Variants in CYP11A1 observed in about 807,000 individuals in gnomAD.
CYP11A1 encodes cytochrome P450 family 11 subfamily A member 1.
CYP11A1 carries 25 observed loss-of-function variants against 51.9 expected under a neutral mutation model. The ratio of observed to expected loss-of-function variants is 0.48; its 90% confidence interval spans 0.35 to 0.67. CYP11A1 has a LOEUF of 0.67. Ranked by LOEUF, CYP11A1 falls within the 30% of genes least tolerant of loss-of-function variation. The pLI, the probability that CYP11A1 is intolerant of heterozygous loss-of-function variation, is 0.00. For synonymous variants in CYP11A1, 245 were observed against 262.1 expected, an observed-to-expected ratio of 0.93 and a Z score of 0.63; for missense variants, 578 against 680.9, an observed-to-expected ratio of 0.85 and a Z score of 1.68.
At chr15:74,340,444 G>A (rs981215003) in intron 5 of CYP11A1, among the ~76,000 whole-genome samples, 1 of 152,158 alleles carries the variant, frequency 6.6e-6, no homozygotes, top group Non-Finnish European at 1.5e-5. Context: ...ACTCCAGCCT[G>A]GAGCAGCCCT....
intron 1 of CYP11A1, among the ~76,000 whole-genome samples, chr15:74,357,547 G>A (rs2060685925): frequency 6.6e-6 from 1 of 152,078 alleles, no homozygotes; most frequent in Admixed American, 6.6e-5. Context: ...TGCAAACTTA[G>A]CTGATCCCAT....
At chr15:74,350,588 T>A (rs1301402563) in intron 1 of CYP11A1, among the ~76,000 whole-genome samples, 4 of 152,208 alleles carry the variant, frequency 2.6e-5, no homozygotes, top group African/African-American at 9.7e-5. Flanking sequence ...GCAGGGAACA[T>A]AAGGCCAATT....
chr15:74,358,949 G>A (rs1368642161), intron 1 of CYP11A1, among the ~76,000 whole-genome samples: 1 of 152,080 alleles, frequency 6.6e-6, no homozygotes, highest in Non-Finnish European at 1.5e-5. Context: ...TTAAAAAAAG[G>A]ACTCTGTCAA....
Position 74,367,644 on chromosome 15 carries a change from T to G in CYP11A1, c.-59A>C. Reference sequence around the variant, plus strand: ...CTTCAGCGGGGACTGCTAGGATGACTGTAGCCCTGGGCCACCAGGGCCAAG... The same window carrying G: ...CTTCAGCGGGGACTGCTAGGATGACGGTAGCCCTGGGCCACCAGGGCCAAG... On this transcript the variant is annotated 5_prime_UTR_variant, in exon 1 of 9. Transcript: ENST00000268053. 3 of 1,590,832 alleles carry G rather than the reference T, an allele frequency of 1.9e-6. No individual in the cohort carries two copies. Among genetic ancestry groups the G allele is most frequent in the Non-Finnish European group, 8.6e-7 (1 of 1,169,584 alleles).
In CYP11A1 at chr15:74,348,030, C is replaced by T. The variant is rs1220418625; in HGVS notation, c.295G>A (p.Val99Ile). The change falls in exon 2 of 9, where the codon GTT becomes ATT. Residue 99 changes from valine to isoleucine, a missense_variant. Coordinates refer to ENST00000268053, the MANE Select transcript of CYP11A1 (RefSeq NM_000781.3). ...ACATCTTCAGGGTCGATGACATAAA[C>T]CGACTCCACGTTGCCGAGCTTCTCC... ...YREKLGNVES[V>I]YVIDPEDVAL... 3 of 1,614,184 alleles carry T rather than the reference C, an allele frequency of 1.9e-6. No individual in the cohort carries two copies. Among genetic ancestry groups the T allele is most frequent in the Non-Finnish European group, 1.7e-6 (2 of 1,180,018 alleles).
At chr15:74,358,091 T>G (rs2060689523) in intron 1 of CYP11A1, among the ~76,000 whole-genome samples, 1 of 152,244 alleles carries the variant, frequency 6.6e-6, no homozygotes, top group Non-Finnish European at 1.5e-5. Flanking sequence ...GTCCTCCATC[T>G]TAATGCCTCT....
chr15:74,346,348 G>A (rs2141236183), intron 2 of CYP11A1, among the ~76,000 whole-genome samples: 1 of 97,410 alleles, frequency 1.0e-5, no homozygotes, highest in Middle Eastern at 9.3e-3. Context: ...GCAAGACTCT[G>A]CCTCAAAAAA....
intron 1 of CYP11A1, chr15:74,356,519 C>T (rs2060680954): frequency 6.6e-6 from 1 of 152,208 alleles, no homozygotes; most frequent in South Asian, 2.1e-4. Context: ...CTACCAACTC[C>T]ACATTACCTT....
chr15:74,348,247 G>A, intron 1 of CYP11A1, 192 bp from the exon 2 acceptor site: 1 of 615,174 alleles, frequency 1.6e-6, no homozygotes, highest in East Asian at 2.8e-5. Flanking sequence ...CAGCGCTGCT[G>A]AAGGACAAGA....
At chr15:74,339,975 G>A (rs2060599079) in intron 5 of CYP11A1, among the ~76,000 whole-genome samples, 1 of 152,210 alleles carries the variant, frequency 6.6e-6, no homozygotes. Context: ...AACATTCAGG[G>A]CAGCACTTGT....
intron 7 of CYP11A1, 132 bp downstream of exon 7, chr15:74,339,105 G>A: frequency 1.3e-6 from 1 of 791,976 alleles, no homozygotes; most frequent in Non-Finnish European, 2.2e-6. Context: ...CACCACCTCT[G>A]CCCTTCATTC....
chr15:74,338,130 G>A (rs2060587680), intron 8 of CYP11A1, 27 bp from the exon 9 acceptor site: 3 of 1,613,886 alleles, frequency 1.9e-6, no homozygotes, highest in Admixed American at 1.7e-5. Flanking sequence ...GTAGGTTTAG[G>A]GGAGGGCAGG....
chr15:74,360,080 A>C (rs1157434612), intron 1 of CYP11A1, among the ~76,000 whole-genome samples: 1 of 152,220 alleles, frequency 6.6e-6, no homozygotes, highest in Non-Finnish European at 1.5e-5. Flanking sequence ...AAATGTAAAC[A>C]TGTGGTGTAC....
At position 74,345,259 on chromosome 15, in the gene CYP11A1, C is replaced by T. The variant is rs2060627736; in HGVS notation, c.426-16G>A. 6.2e-7 allele frequency: 1 copy of T among 1,614,064 alleles called. No individual in the cohort carries two copies. The highest frequency in any genetic ancestry group is 8.5e-7 in the Non-Finnish European group (1 of 1,179,952). On this transcript the variant is annotated splice_polypyrimidine_tract_variant and intron_variant, in intron 2 of 8. Transcript: ENST00000268053. The surrounding 1 kb of genome is among the most constrained non-coding windows in gnomAD (Gnocchi z 4.3). Reference sequence around the variant, plus strand: ...TGCCGACTTCCTGAGAAAACATGGGCCCACAAGCCCTCATGGTCACAGACC... The same window carrying T: ...TGCCGACTTCCTGAGAAAACATGGGTCCACAAGCCCTCATGGTCACAGACC...
rs2060739562 is a variant in CYP11A1, at chr15:74,367,435, T to A, written c.151A>T (p.Ile51Phe). The stretch of plus-strand genomic sequence containing the variant: ...CAGCCATTGTCACCAGGAGAGGGGA[T>A]CTCATTGAAGGGGCGAGGACTGCGG... ...STRSPRPFNEIPSPGDNGWLN... is the reference protein window; with the variant it reads ...STRSPRPFNEFPSPGDNGWLN... Residue 51 changes from isoleucine (I) to phenylalanine (F), a missense_variant, in exon 1 of 9, where the codon ATC (isoleucine) becomes TTC (phenylalanine). Ile to Phe is a conservative substitution (Grantham distance 21, BLOSUM62 0). Coordinates refer to ENST00000268053, the MANE Select transcript of CYP11A1 (RefSeq NM_000781.3). 1 of 1,614,066 alleles carries A rather than the reference T, an allele frequency of 6.2e-7. No homozygotes were observed. The highest frequency in any genetic ancestry group is 1.7e-5 in the Admixed American group (1 of 60,006).
rs531479583 is a variant in CYP11A1, at chr15:74,361,567, G to A, written c.269+5750C>T. On this transcript the variant is annotated intron_variant, in intron 1 of 8. Coordinates refer to ENST00000268053, the MANE Select transcript of CYP11A1 (RefSeq NM_000781.3). ...ACTATCAGCCATGGTCAACCCCACC[G>A]TGTTCTTTGACATCGCAGTCACGGC... The A allele has an allele frequency of 2.0e-5, 17 of 844,462 alleles. No homozygotes were observed. In the East Asian group the frequency reaches 2.2e-4, roughly 11 times the overall value. The allele number at this position is 844,462 out of a possible 1,614,324, so 52.3% of individuals were successfully genotyped here. A position where few individuals can be genotyped will look rare whatever the true frequency, so the allele number is the denominator to read the frequency against.
At chr15:74,353,854 G>A (rs1668961206) in intron 1 of CYP11A1, among the ~76,000 whole-genome samples, 1 of 152,166 alleles carries the variant, frequency 6.6e-6, no homozygotes, top group Admixed American at 6.5e-5. Flanking sequence ...TTTCTAGCAA[G>A]TCATCATTCA....
chr15:74,358,262 C>T (rs1054539212), intron 1 of CYP11A1, among the ~76,000 whole-genome samples: 1 of 152,226 alleles, frequency 6.6e-6, no homozygotes, highest in Non-Finnish European at 1.5e-5. Flanking sequence ...TCCCTCACAG[C>T]CAGTTTTTCT....
intron 5 of CYP11A1, 88 bp downstream of exon 5, chr15:74,342,889 A>G: frequency 7.1e-7 from 1 of 1,403,974 alleles, no homozygotes; most frequent in Non-Finnish European, 1.0e-6. Context: ...CGCCTTGAAC[A>G]ACAGGGTTTC....
Sources: gnomAD v4.1 joint callset for allele counts (sites outside exome capture counted in the v4.1 genomes callset) on GRCh38, gnomAD v4.1.1 for gene constraint, Gnocchi (gnomAD v3.1) non-coding constraint, MANE v1.5 for transcripts, NCBI Gene and HGNC (gene_info 2026-07-23, HGNC 2026-07-21) for gene names.